The following DPP6 variants were observed in gnomAD, a reference collection of about 807,000 sequenced individuals.
DPP6 encodes dipeptidyl peptidase like 6, also known as A-type potassium channel modulatory protein DPP6.
A neutral mutation model predicts 122.6 loss-of-function variants in DPP6; 69 were observed. The observed-to-expected ratio is 0.56, with a 90% confidence interval of 0.46 to 0.69. The LOEUF is 0.69. DPP6 is among the 30% of genes least tolerant of loss of function. DPP6 has a pLI of 0.00. For synonymous variants in DPP6, 418 were observed against 433.1 expected (o/e 0.97, Z 0.43); for missense variants, 928 against 1,116.9 (o/e 0.83, Z 2.41).
Position 154,592,689 on chromosome 7 carries a change from CGAG to C in DPP6, c.627+25778_627+25780del, listed in dbSNP as rs752026454. Among the ~76,000 whole-genome samples, 11 of 152,152 alleles carry C rather than the reference CGAG, an allele frequency of 7.2e-5. No individual in the cohort carries two copies. The East Asian group carries it at 1.9e-3, about 27-fold the overall frequency. On this transcript the variant is annotated intron_variant, in intron 5 of 25. Coordinates refer to ENST00000377770, the MANE Select transcript of DPP6 (RefSeq NM_130797.4). ...AGACGCAGGACAAGGTCCTGTGATC[CGAG>C]GAGGGGTCTCAGGGTGGAGGGACAG...
At chr7:154,197,895 C>G (rs531641590) in intron 1 of DPP6, among the ~76,000 whole-genome samples, 25 of 152,162 alleles carry the variant, frequency 1.6e-4, no homozygotes, top group African/African-American at 5.8e-4. Context: ...ACTGGTCCAC[C>G]TGGAAGACCT....
At chr7:153,929,550 A>G (rs2129012532) in intron 1 of DPP6, among the ~76,000 whole-genome samples, 1 of 152,078 alleles carries the variant, frequency 6.6e-6, no homozygotes, top group East Asian at 1.9e-4. Context: ...GGATGAGCTG[A>G]GAAAGGGAGT....
chr7:154,687,753 C>G (rs1839702441), intron 7 of DPP6, among the ~76,000 whole-genome samples: 1 of 152,112 alleles, frequency 6.6e-6, no homozygotes, highest in African/African-American at 2.4e-5. Flanking sequence ...AGAAATTGTC[C>G]CTACCCCAAG....
intron 5 of DPP6, 74 bp downstream of exon 5, chr7:154,566,990 A>G (rs1382915655): frequency 9.6e-7 from 1 of 1,044,150 alleles, no homozygotes. Context: ...TATTTCCTTG[A>G]CTCTTCTATA....
intron 1 of DPP6, among the ~76,000 whole-genome samples, chr7:154,352,672 T>C (rs1046852798): frequency 3.3e-5 from 5 of 151,560 alleles, no homozygotes; most frequent in African/African-American, 9.7e-5. Flanking sequence ...CTGGGGCCTA[T>C]TGGGGGGTGT....
chr7:153,926,046 A>G (rs77428587), intron 1 of DPP6, among the ~76,000 whole-genome samples: 2,278 of 152,274 alleles, frequency 0.015, 58 homozygotes, highest in African/African-American at 0.051. Flanking sequence ...AGTTCACCAC[A>G]GCATCCTTCC....
intron 8 of DPP6, among the ~76,000 whole-genome samples, chr7:154,743,104 T>A (rs10268004): frequency 2.0e-5 from 3 of 152,202 alleles, no homozygotes; most frequent in Admixed American, 2.0e-4. Flanking sequence ...AGGCTGAAGC[T>A]GAAGTCTTCC....
At chr7:153,960,478 A>G (rs530002501) in intron 1 of DPP6, among the ~76,000 whole-genome samples, 1 of 152,148 alleles carries the variant, frequency 6.6e-6, no homozygotes, top group East Asian at 1.9e-4. Context: ...CCTTCCTGCA[A>G]AAGATTAGGG....
chr7:154,787,466 G>A (rs748668707), intron 10 of DPP6, among the ~76,000 whole-genome samples: 1 of 152,082 alleles, frequency 6.6e-6, no homozygotes, highest in Non-Finnish European at 1.5e-5. Flanking sequence ...CACTACTGAT[G>A]GTTGCCTCAG....
At chr7:154,704,057 G>T (rs1240508592) in intron 7 of DPP6, among the ~76,000 whole-genome samples, 2 of 152,218 alleles carry the variant, frequency 1.3e-5, no homozygotes, top group African/African-American at 2.4e-5. Context: ...CATCCCAGAT[G>T]CCATTAAGAA....
the DPP6 span, among the ~76,000 whole-genome samples, chr7:153,878,671 T>C: frequency 6.6e-6 from 1 of 152,154 alleles, no homozygotes; most frequent in Admixed American, 6.5e-5. Flanking sequence ...GCTTATCTTG[T>C]ATGTCTTCAT....
chr7:154,566,291 T>A (rs1268877116), intron 4 of DPP6, among the ~76,000 whole-genome samples: 1 of 152,172 alleles, frequency 6.6e-6, no homozygotes, highest in Non-Finnish European at 1.5e-5. Flanking sequence ...CTCTCTATTT[T>A]TTTTTCTGAG....
intron 17 of DPP6, among the ~76,000 whole-genome samples, chr7:154,855,794 G>A (rs569670854): frequency 6.6e-6 from 1 of 152,220 alleles, no homozygotes; most frequent in Non-Finnish European, 1.5e-5. Flanking sequence ...AAAAAATGCC[G>A]ATGTTGCATA....
At chr7:154,589,133 A>C (rs1444124977) in intron 5 of DPP6, among the ~76,000 whole-genome samples, 1 of 152,196 alleles carries the variant, frequency 6.6e-6, no homozygotes, top group Admixed American at 6.5e-5. Context: ...GAGGCATACT[A>C]ATTCAATACC....
intron 16 of DPP6, among the ~76,000 whole-genome samples, chr7:154,822,672 G>A (rs571046118): frequency 2.4e-4 from 37 of 151,968 alleles, no homozygotes; most frequent in African/African-American, 8.9e-4. Flanking sequence ...TCAGCCCCCC[G>A]CCCCCAACGA....
At chr7:154,702,660 GA>G (rs1460824657) in intron 7 of DPP6, among the ~76,000 whole-genome samples, 1 of 152,234 alleles carries the variant, frequency 6.6e-6, no homozygotes, top group Non-Finnish European at 1.5e-5. Context: ...GGCTATAGAA[GA>G]AAAGTTGGAA....
rs140982901 is a variant in DPP6, at chr7:154,643,140, T to C, written c.680+5267T>C. On this transcript the variant is annotated intron_variant, in intron 6 of 25. Coordinates refer to ENST00000377770, the MANE Select transcript of DPP6 (RefSeq NM_130797.4). ...TAATTTTTCTAAGCTGAGGCTTGTT[T>C]CATGACACTCAGGTAATTATAATGT... Among the ~76,000 whole-genome samples the C allele has an allele frequency of 9.8e-3, 1,498 of 152,344 alleles. 10 individuals are homozygous for C. Among genetic ancestry groups the C allele is most frequent in the South Asian group, 0.018 (87 of 4,832 alleles).
At chr7:154,194,699 G>A (rs989501690) in intron 1 of DPP6, among the ~76,000 whole-genome samples, 4 of 152,174 alleles carry the variant, frequency 2.6e-5, no homozygotes, top group African/African-American at 9.7e-5. Flanking sequence ...ATCTCATTGT[G>A]GTTTCGTTCG....
At chr7:154,054,148 G>A (rs1304295429) in intron 1 of DPP6, among the ~76,000 whole-genome samples, 1 of 151,846 alleles carries the variant, frequency 6.6e-6, no homozygotes, top group African/African-American at 2.4e-5. Context: ...CTCAACCTGG[G>A]AACCGCAGGG....
Sources: gnomAD v4.1 joint callset for allele counts (sites outside exome capture counted in the v4.1 genomes callset) on GRCh38, gnomAD v4.1.1 for gene constraint, MANE v1.5 for transcripts, NCBI Gene and HGNC (gene_info 2026-07-23, HGNC 2026-07-21) for gene names.